Variants in SCUBE1 observed in about 807,000 individuals in gnomAD.
The protein encoded by SCUBE1 is signal peptide, CUB domain and EGF like domain containing 1.
Under a neutral mutation model 124.4 loss-of-function variants are expected in SCUBE1, and 59 were observed. The observed-to-expected ratio is 0.47, with a 90% CI of 0.38 to 0.59. SCUBE1 has a LOEUF of 0.59. Among genes scored for constraint, SCUBE1 ranks in the 20% least tolerant of loss-of-function variants. SCUBE1 has a pLI of 0.00. For synonymous variants in SCUBE1, 545 were observed against 550.9 expected (o/e 0.99, Z 0.15); for missense variants, 1,150 against 1,371.2 (o/e 0.84, Z 2.55).
chr22:43,244,665 A>T (rs1454399412), intron 6 of SCUBE1, among the ~76,000 whole-genome samples: 1 of 152,200 alleles, frequency 6.6e-6, no homozygotes, highest in Non-Finnish European at 1.5e-5. Context: ...GCTCAGTGCC[A>T]GCACACGGGG....
At chr22:43,263,515 G>C (rs1336431251) in intron 4 of SCUBE1, among the ~76,000 whole-genome samples, 1 of 152,200 alleles carries the variant, frequency 6.6e-6, no homozygotes, top group Non-Finnish European at 1.5e-5. Flanking sequence ...CCGGCTCGGG[G>C]AGCGGCAGTG....
At chr22:43,310,806 T>A (rs1223973216) in intron 3 of SCUBE1, among the ~76,000 whole-genome samples, 2 of 152,268 alleles carry the variant, frequency 1.3e-5, no homozygotes, top group Non-Finnish European at 2.9e-5. Flanking sequence ...TGAGTCAGGA[T>A]CTTGCTCCAT....
At chr22:43,260,771 T>C (rs1470153316) in intron 5 of SCUBE1, among the ~76,000 whole-genome samples, 1 of 152,124 alleles carries the variant, frequency 6.6e-6, no homozygotes, top group Non-Finnish European at 1.5e-5. Flanking sequence ...AGCCAGCACA[T>C]ATTCCAGGCA....
chr22:43,284,105 G>A (rs1925035029), intron 4 of SCUBE1, among the ~76,000 whole-genome samples: 6 of 152,266 alleles, frequency 3.9e-5, no homozygotes, highest in African/African-American at 1.2e-4. Context: ...GTGGTCTTCA[G>A]AGCAAGACCC....
chr22:43,254,758 A>G (rs1923592489), intron 6 of SCUBE1, among the ~76,000 whole-genome samples: 2 of 152,262 alleles, frequency 1.3e-5, no homozygotes, highest in Admixed American at 6.5e-5. Context: ...CAAAGCCCAG[A>G]GGCCAGCAAA....
chr22:43,339,360 A>G (rs929355592), intron 1 of SCUBE1, 125 bp from the exon 2 acceptor site: 1 of 856,140 alleles, frequency 1.2e-6, no homozygotes, highest in African/African-American at 1.7e-5. Flanking sequence ...ATTGGCAATA[A>G]CAGCTGTCAC....
At chr22:43,208,958 C>T (rs1021240464) in intron 19 of SCUBE1, among the ~76,000 whole-genome samples, 17 of 151,206 alleles carry the variant, frequency 1.1e-4, no homozygotes, top group African/African-American at 4.1e-4. Flanking sequence ...ACAGGCTGGG[C>T]TTCACTTCAG....
rs547412277 is a variant in SCUBE1 at position 43,295,794 on chromosome 22, A to G, written c.350-4614T>C. 2.0e-5 allele frequency among the ~76,000 whole-genome samples: 3 copies of G among 151,982 alleles called. No individual in the cohort carries two copies. In the South Asian group the frequency reaches 6.2e-4, roughly 32 times the overall value. The stretch of plus-strand genomic sequence containing the variant: ...CTCACTCCGTGAACACCAAGCACCT[A>G]CTCTGTGCCACACTACCCCTGAGCT... On this transcript the variant is annotated intron_variant, in intron 3 of 21. Coordinates refer to ENST00000360835, the MANE Select transcript of SCUBE1 (RefSeq NM_173050.5).
intron 3 of SCUBE1, among the ~76,000 whole-genome samples, chr22:43,318,022 A>G (rs1490044391): frequency 6.6e-6 from 1 of 152,198 alleles, no homozygotes; most frequent in African/African-American, 2.4e-5. Context: ...GGAACAGATG[A>G]TCCCTTGCAG....
intron 3 of SCUBE1, among the ~76,000 whole-genome samples, chr22:43,314,909 A>C (rs912098792): frequency 2.6e-5 from 4 of 152,266 alleles, no homozygotes; most frequent in Admixed American, 6.5e-5. Flanking sequence ...AATTACTTTA[A>C]TATTTTAGCC....
At chr22:43,244,489 G>T (rs886336862) in intron 6 of SCUBE1, among the ~76,000 whole-genome samples, 1 of 152,270 alleles carries the variant, frequency 6.6e-6, no homozygotes, top group African/African-American at 2.4e-5. Context: ...TCTGGGAACT[G>T]GGACCCTACC....
intron 21 of SCUBE1, among the ~76,000 whole-genome samples, chr22:43,206,650 G>A (rs1921296977): frequency 1.3e-5 from 1 of 78,326 alleles, no homozygotes; most frequent in South Asian, 3.5e-4. Context: ...AGAGGTGGGG[G>A]AAAGAAGGGG....
chr22:43,342,730 G>T (rs549524169), intron 1 of SCUBE1, among the ~76,000 whole-genome samples: 1 of 150,974 alleles, frequency 6.6e-6, no homozygotes, highest in Non-Finnish European at 1.5e-5. Flanking sequence ...CGTCTGTCCC[G>T]CACCTCCCGC....
At chr22:43,242,123 C>A (rs1049106538) in intron 6 of SCUBE1, among the ~76,000 whole-genome samples, 1 of 152,228 alleles carries the variant, frequency 6.6e-6, no homozygotes, top group African/African-American at 2.4e-5. Context: ...GTCCTTTGGG[C>A]TGAAGTGAGG....
intron 2 of SCUBE1, among the ~76,000 whole-genome samples, chr22:43,328,423 G>A (rs929024428): frequency 1.1e-4 from 17 of 152,114 alleles, no homozygotes; most frequent in Non-Finnish European, 2.1e-4. Context: ...GGGGAGGCCC[G>A]AGACCCAAAA....
chr22:43,265,293 T>G (rs1281117166), intron 4 of SCUBE1, among the ~76,000 whole-genome samples: 2 of 152,198 alleles, frequency 1.3e-5, no homozygotes, highest in Non-Finnish European at 2.9e-5. Flanking sequence ...GTTTTCTTGG[T>G]GAAGGACACT....
At chr22:43,321,191 T>C (rs5759281) in intron 2 of SCUBE1, among the ~76,000 whole-genome samples, 100,500 of 152,078 alleles carry the variant, frequency 0.66, 34,191 homozygotes, top group African/African-American at 0.83. Flanking sequence ...TCCCCTATAG[T>C]GTAGAAGAGG....
In SCUBE1 at chr22:43,267,194, C is replaced by T. The variant is rs577842997; in HGVS notation, c.485-4349G>A. On this transcript the variant is annotated intron_variant, in intron 4 of 21. Transcript: ENST00000360835. ...AACCGTGGGTAACCCGTTGGGGAGA[C>T]ATGAGCTTCATTCTTTTCAGTATCA... Among the ~76,000 whole-genome samples, 28 of 152,272 alleles carry T rather than the reference C, an allele frequency of 1.8e-4. No homozygotes were observed. The South Asian group carries it at 2.1e-3, about 11-fold the overall frequency.
chr22:43,227,593 A>C, intron 9 of SCUBE1, 97 bp from the exon 10 acceptor site: 1 of 1,486,838 alleles, frequency 6.7e-7, no homozygotes. Flanking sequence ...GAATCTCCTG[A>C]CCCCACCGAG....
Sources: allele counts gnomAD v4.1 joint callset (sites outside exome capture counted in the v4.1 genomes callset), GRCh38; gene constraint gnomAD v4.1.1; transcripts MANE v1.5; gene names NCBI Gene and HGNC (gene_info 2026-07-23, HGNC 2026-07-21).